Variants in PALM2AKAP2 observed in about 807,000 individuals in gnomAD.
PALM2AKAP2 encodes PALM2 and AKAP2 fusion.
PALM2AKAP2 carries 37 observed loss-of-function variants against 71.5 expected under a neutral mutation model. The ratio of observed to expected loss-of-function variants is 0.52; its 90% CI spans 0.40 to 0.68. The LOEUF (loss-of-function observed/expected upper bound fraction) is 0.68. PALM2AKAP2 is among the 30% of genes least tolerant of loss of function. PALM2AKAP2 has a pLI of 0.00. For missense variants in PALM2AKAP2, 1,224 were observed against 1,191.8 expected (o/e 1.03, Z -0.40); for synonymous variants, 468 against 478.8 (o/e 0.98, Z 0.29).
intron 3 of PALM2AKAP2, among the ~76,000 whole-genome samples, chr9:109,913,947 G>A (rs1325396445): frequency 6.6e-6 from 1 of 151,912 alleles, no homozygotes; most frequent in Non-Finnish European, 1.5e-5. Flanking sequence ...TAGTAGAGAT[G>A]GGGTTTCACC....
At chr9:110,078,202 T>C (rs1428955839) in intron 1 of PALM2AKAP2, among the ~76,000 whole-genome samples, 1 of 152,206 alleles carries the variant, frequency 6.6e-6, no homozygotes, top group Non-Finnish European at 1.5e-5. Context: ...ATTTGGCACA[T>C]GGGCTGTCTT....
chr9:110,134,215 G>T (rs1036468631), intron 1 of PALM2AKAP2, among the ~76,000 whole-genome samples: 8 of 151,814 alleles, frequency 5.3e-5, no homozygotes, highest in Non-Finnish European at 8.8e-5. Context: ...GGAGTTCAAG[G>T]TTGCAGTGAG....
intron 1 of PALM2AKAP2, among the ~76,000 whole-genome samples, chr9:109,677,860 A>G (rs1040303609): frequency 3.9e-5 from 6 of 152,306 alleles, no homozygotes; most frequent in South Asian, 4.2e-4. Flanking sequence ...AAAATATGCA[A>G]TACAAATGGG....
At chr9:109,951,149 C>T (rs1413238840) in intron 6 of PALM2AKAP2, among the ~76,000 whole-genome samples, 1 of 148,140 alleles carries the variant, frequency 6.8e-6, no homozygotes, top group Non-Finnish European at 1.5e-5. Flanking sequence ...TGCAGCTTCT[C>T]AGTGAATGTA....
chr9:110,075,608 T>TA (rs1342416137), intron 1 of PALM2AKAP2, among the ~76,000 whole-genome samples: 1 of 152,090 alleles, frequency 6.6e-6, no homozygotes, highest in Non-Finnish European at 1.5e-5. Context: ...TCTTTTTTTT[T>TA]AACCTCTATA....
chr9:109,746,857 C>T (rs950977007), intron 1 of PALM2AKAP2, among the ~76,000 whole-genome samples: 11 of 152,200 alleles, frequency 7.2e-5, no homozygotes, highest in Admixed American at 6.5e-5. Context: ...TAGTTGGCAG[C>T]AGCCTAGAGT....
At chr9:109,861,570 G>A (rs1160153339) in intron 1 of PALM2AKAP2, among the ~76,000 whole-genome samples, 2 of 152,174 alleles carry the variant, frequency 1.3e-5, no homozygotes, top group African/African-American at 4.8e-5. Context: ...GAATCTGGAA[G>A]TCTTTCTAAT....
At chr9:109,907,121 A>C (rs569207670) in intron 3 of PALM2AKAP2, among the ~76,000 whole-genome samples, 1 of 152,256 alleles carries the variant, frequency 6.6e-6, no homozygotes, top group African/African-American at 2.4e-5. Context: ...CAACCTCCTG[A>C]AATCCTGCCC....
intron 1 of PALM2AKAP2, among the ~76,000 whole-genome samples, chr9:109,863,703 T>C (rs1829372501): frequency 6.6e-6 from 1 of 152,224 alleles, no homozygotes; most frequent in African/African-American, 2.4e-5. Context: ...AATGGTGTCC[T>C]ATGCAAACTT....
chr9:109,656,171 GA>G (rs1827303587), intron 1 of PALM2AKAP2, among the ~76,000 whole-genome samples: 1 of 152,190 alleles, frequency 6.6e-6, no homozygotes, highest in South Asian at 2.1e-4. Flanking sequence ...TGTAACATAG[GA>G]GGAAGGAGAG....
At chr9:110,109,719 G>A (rs1224921062) in intron 1 of PALM2AKAP2, among the ~76,000 whole-genome samples, 1 of 152,198 alleles carries the variant, frequency 6.6e-6, no homozygotes, top group Non-Finnish European at 1.5e-5. Flanking sequence ...TTGCCTGGGA[G>A]TGAGAGAGGA....
At chr9:109,669,751 C>A (rs1301282453) in intron 1 of PALM2AKAP2, among the ~76,000 whole-genome samples, 3 of 151,580 alleles carry the variant, frequency 2.0e-5, no homozygotes, top group African/African-American at 7.3e-5. Context: ...TCATAATGTC[C>A]TCTTAATCTT....
chr9:109,953,175 A>G (rs1280512023), intron 6 of PALM2AKAP2, among the ~76,000 whole-genome samples: 1 of 152,184 alleles, frequency 6.6e-6, no homozygotes, highest in Admixed American at 6.5e-5. Context: ...CAACCTCATA[A>G]TTCGATTCTG....
intron 1 of PALM2AKAP2, among the ~76,000 whole-genome samples, chr9:109,809,869 C>A (rs1235510163): frequency 1.3e-5 from 2 of 152,138 alleles, no homozygotes; most frequent in East Asian, 3.9e-4. Context: ...GGCTTGTCCT[C>A]TTTTTGCTGG....
At chr9:109,941,627 G>T (rs941135374) in intron 6 of PALM2AKAP2, among the ~76,000 whole-genome samples, 1 of 152,214 alleles carries the variant, frequency 6.6e-6, no homozygotes, top group Non-Finnish European at 1.5e-5. Flanking sequence ...AGGGCACCTG[G>T]AGCCTGGTGG....
At chr9:109,821,688 C>T (rs1828011462) in intron 1 of PALM2AKAP2, among the ~76,000 whole-genome samples, 1 of 152,282 alleles carries the variant, frequency 6.6e-6, no homozygotes. Context: ...GGTGGCTCCC[C>T]CTGTGTCCTC....
chr9:110,053,527 CAAAAAAAA>C lies in PALM2AKAP2; in HGVS notation c.156+4686_156+4693del, dbSNP rs56132919. On this transcript the variant is annotated intron_variant, in intron 1 of 3. Coordinates refer to ENST00000374525, the Ensembl canonical transcript of PALM2AKAP2. ...TGGTGACAGAGCAAGAACTCTGTCT[CAAAAAAAA>C]AAAAAAAAAAAAAGAAAAAAAGAAA... 6.6e-3 allele frequency among the ~76,000 whole-genome samples: 549 copies of C among 82,896 alleles called. 3 individuals are homozygous for C. The highest frequency in any genetic ancestry group is 0.024 in the African/African-American group (524 of 21,956). The allele number at this position is 82,896 out of a possible 152,430, so 54.4% of individuals were successfully genotyped here. A position where few individuals can be genotyped will look rare whatever the true frequency, so the allele number is the denominator to read the frequency against.
chr9:109,943,343 A>T, intron 6 of PALM2AKAP2: 4 of 1,614,188 alleles, frequency 2.5e-6, no homozygotes, highest in Non-Finnish European at 3.4e-6. Flanking sequence ...TCATCCCCAG[A>T]AGGGAAGGAA....
chr9:109,716,040 CT>C (rs1828314929), intron 1 of PALM2AKAP2, among the ~76,000 whole-genome samples: 1 of 152,230 alleles, frequency 6.6e-6, no homozygotes, highest in East Asian at 1.9e-4. Context: ...GAATGTTTTC[CT>C]ATGTGAGTGA....
Sources: gnomAD v4.1 joint callset for allele counts (sites outside exome capture counted in the v4.1 genomes callset) on GRCh38, gnomAD v4.1.1 for gene constraint, MANE v1.5 for transcripts, NCBI Gene and HGNC (gene_info 2026-07-23, HGNC 2026-07-21) for gene names.